The following TTC28 variants were observed in gnomAD, a reference collection of about 807,000 sequenced individuals.
TTC28 encodes the protein tetratricopeptide repeat protein 28.
TTC28 carries 61 observed loss-of-function variants against 198.0 expected under a neutral mutation model. That is an observed-to-expected ratio of 0.31 (90% CI 0.25 to 0.38). The LOEUF (loss-of-function observed/expected upper bound fraction) is 0.38, where lower values mean the gene tolerates loss of function less well. Ranked by LOEUF, TTC28 falls within the 10% of genes least tolerant of loss-of-function variation. The pLI, the probability that TTC28 is intolerant of heterozygous loss-of-function variation, is 1.00. For synonymous variants in TTC28, 1,171 were observed against 1,297.8 expected, an observed-to-expected ratio of 0.90 and a Z score of 2.10; for missense variants, 2,678 against 3,164.0, an observed-to-expected ratio of 0.85 and a Z score of 3.69.
intron 13 of TTC28, among the ~76,000 whole-genome samples, chr22:28,016,449 G>A (rs1938383023): frequency 6.6e-6 from 1 of 152,220 alleles, no homozygotes; most frequent in Non-Finnish European, 1.5e-5. Flanking sequence ...TGGCCCCGAA[G>A]AGCCTAGGCT....
At chr22:28,426,167 G>A (rs117139806) in intron 2 of TTC28, among the ~76,000 whole-genome samples, 344 of 145,486 alleles carry the variant, frequency 2.4e-3, no homozygotes, top group Non-Finnish European at 3.8e-3. Flanking sequence ...AGCTGAGATC[G>A]CAACACTGCA....
At chr22:28,390,394 T>A (rs1163479375) in intron 2 of TTC28, among the ~76,000 whole-genome samples, 3 of 152,148 alleles carry the variant, frequency 2.0e-5, no homozygotes, top group Non-Finnish European at 4.4e-5. Flanking sequence ...TTCCTGGGTA[T>A]CCTTGTTGAC....
intron 1 of TTC28, among the ~76,000 whole-genome samples, chr22:28,671,136 G>A (rs1200970479): frequency 6.6e-6 from 1 of 151,900 alleles, no homozygotes; most frequent in Non-Finnish European, 1.5e-5. Context: ...GTAGAGAAGA[G>A]GTGTTACTAT....
chr22:28,390,129 C>T (rs1172404900), intron 2 of TTC28, among the ~76,000 whole-genome samples: 1 of 152,074 alleles, frequency 6.6e-6, no homozygotes, highest in Non-Finnish European at 1.5e-5. Flanking sequence ...GCAGGTTGTT[C>T]AGTTTCCATG....
rs897753883 is a variant in TTC28, at chr22:28,280,774, G to A, written c.933+15424C>T. On this transcript the variant is annotated intron_variant, in intron 5 of 22. Coordinates refer to ENST00000397906, the MANE Select transcript of TTC28 (RefSeq NM_001145418.2). ...ATCTTCCTTTAGCATTTCTTATAGC[G>A]CAGGTCTGTTGATAATTTTCTTGGT... Among the ~76,000 whole-genome samples, 34 of 152,042 alleles carry A rather than the reference G, an allele frequency of 2.2e-4. 2 individuals are homozygous for A. The highest frequency in any genetic ancestry group is 1.4e-3 in the Admixed American group (22 of 15,282).
intron 10 of TTC28, 69 bp from the exon 11 acceptor site, chr22:28,096,477 C>T (rs547366457): frequency 2.8e-5 from 42 of 1,502,224 alleles, no homozygotes; most frequent in South Asian, 5.1e-5. Flanking sequence ...CTATCAGGGA[C>T]GGCCATCAAA....
intron 2 of TTC28, among the ~76,000 whole-genome samples, chr22:28,319,184 GT>G (rs933397038): frequency 6.6e-6 from 1 of 152,022 alleles, no homozygotes; most frequent in African/African-American, 2.4e-5. Context: ...TTTTTTGGGC[GT>G]ATATTTTTGC....
intron 2 of TTC28, among the ~76,000 whole-genome samples, chr22:28,556,990 G>A (rs1252605304): frequency 2.0e-5 from 3 of 152,098 alleles, no homozygotes; most frequent in Admixed American, 6.5e-5. Context: ...AACCTCCAAC[G>A]TCACACCCCT....
chr22:28,090,590 A>T (rs1941784383), intron 12 of TTC28, among the ~76,000 whole-genome samples: 1 of 152,218 alleles, frequency 6.6e-6, no homozygotes, highest in Admixed American at 6.5e-5. Flanking sequence ...GGGCATAAAC[A>T]TGTAAAAAGA....
At chr22:28,529,512 C>T (rs1017960836) in intron 2 of TTC28, among the ~76,000 whole-genome samples, 1 of 152,222 alleles carries the variant, frequency 6.6e-6, no homozygotes, top group Non-Finnish European at 1.5e-5. Flanking sequence ...GCAGCAGAAA[C>T]TTCTGCAGAC....
chr22:28,391,475 A>C (rs2046719041), intron 2 of TTC28, among the ~76,000 whole-genome samples: 1 of 152,210 alleles, frequency 6.6e-6, no homozygotes, highest in Admixed American at 6.5e-5. Flanking sequence ...ACTTTCAGGT[A>C]CACCAATCAG....
chr22:28,442,248 C>T (rs1448077940), intron 2 of TTC28, among the ~76,000 whole-genome samples: 1 of 152,222 alleles, frequency 6.6e-6, no homozygotes, highest in African/African-American at 2.4e-5. Flanking sequence ...CACAGACACA[C>T]GCCCGTGCAC....
chr22:28,336,799 T>G (rs1327866511), intron 2 of TTC28, among the ~76,000 whole-genome samples: 1 of 152,212 alleles, frequency 6.6e-6, no homozygotes, highest in Non-Finnish European at 1.5e-5. Flanking sequence ...AGCTCCTGGA[T>G]TCACTGATTT....
At chr22:28,677,691 C>T (rs2052021438) in intron 1 of TTC28, among the ~76,000 whole-genome samples, 1 of 152,052 alleles carries the variant, frequency 6.6e-6, no homozygotes, top group Admixed American at 6.5e-5. Flanking sequence ...AATCTCAGCA[C>T]TTTGGGAGGC....
At position 28,107,329 on chromosome 22, in the gene TTC28, T is replaced by C. The variant is rs1277191938; in HGVS notation, c.2516A>G (p.Asn839Ser). The C allele has an allele frequency of 1.3e-6, 2 of 1,551,864 alleles. No homozygotes were observed. The highest frequency in any genetic ancestry group is 1.7e-6 in the Non-Finnish European group (2 of 1,147,052). Residue 839 changes from asparagine (N) to serine (S), a missense_variant, in exon 7 of 23, where the codon AAC becomes AGC. Transcript: ENST00000397906. The part of the protein sequence containing the change: ...DPSLEAQVYG[N>S]MGITKMNMNV... ...CATGTTCATCTTTGTGATGCCCATG[T>C]TGCCATAGACCTGGGCTTCCAGACT...
intron 10 of TTC28, among the ~76,000 whole-genome samples, chr22:28,098,194 C>T (rs1942030171): frequency 6.6e-6 from 1 of 152,194 alleles, no homozygotes; most frequent in South Asian, 2.1e-4. Context: ...TATGCCACAG[C>T]CTAGGAGGCA....
At chr22:28,527,756 C>T (rs2049035543) in intron 2 of TTC28, among the ~76,000 whole-genome samples, 1 of 152,172 alleles carries the variant, frequency 6.6e-6, no homozygotes, top group Admixed American at 6.5e-5. Context: ...CCACCTCAAC[C>T]TCTTGAGTAG....
At chr22:28,219,662 C>A (rs978827304) in intron 5 of TTC28, among the ~76,000 whole-genome samples, 1 of 152,088 alleles carries the variant, frequency 6.6e-6, no homozygotes. Context: ...CATTTTGACA[C>A]CTAACCAAAG....
intron 14 of TTC28, among the ~76,000 whole-genome samples, chr22:28,004,333 C>T (rs1367808549): frequency 6.6e-6 from 1 of 152,214 alleles, no homozygotes; most frequent in South Asian, 2.1e-4. Flanking sequence ...AGCCTGCCTG[C>T]CTGCGGGAGA....
Sources: gnomAD v4.1 joint callset for allele counts (sites outside exome capture counted in the v4.1 genomes callset) on GRCh38, gnomAD v4.1.1 for gene constraint, MANE v1.5 for transcripts, NCBI Gene and HGNC (gene_info 2026-07-23, HGNC 2026-07-21) for gene names.